Variants in RABGAP1L observed in about 807,000 individuals in gnomAD.
RABGAP1L encodes the protein RAB GTPase activating protein 1 like, also known as rab GTPase-activating protein 1-like.
RABGAP1L carries 63 observed loss-of-function variants against 137.7 expected under a neutral mutation model. That is an observed-to-expected ratio of 0.46 (90% CI 0.37 to 0.56). The LOEUF (loss-of-function observed/expected upper bound fraction) is 0.56, where lower values mean the gene tolerates loss of function less well. Among genes scored for constraint, RABGAP1L ranks in the 20% least tolerant of loss-of-function variants. The probability of loss-of-function intolerance (pLI) is 0.00; values close to 1 mark genes in which losing one functional copy is unlikely to be tolerated. For missense variants in RABGAP1L, 1,095 were observed against 1,244.0 expected (o/e 0.88, Z 1.80); for synonymous variants, 431 against 433.7 (o/e 0.99, Z 0.08).
chr1:174,953,559 T>C (rs577141033), intron 19 of RABGAP1L, among the ~76,000 whole-genome samples: 1 of 152,326 alleles, frequency 6.6e-6, no homozygotes, highest in South Asian at 2.1e-4. Flanking sequence ...AGGGTATTGA[T>C]GATAAGTAGA....
intron 13 of RABGAP1L, among the ~76,000 whole-genome samples, chr1:174,543,312 T>C (rs1005287156): frequency 2.6e-4 from 40 of 151,986 alleles, no homozygotes; most frequent in African/African-American, 8.2e-4. Flanking sequence ...GGATAGTTAG[T>C]TCTTCTTGTT....
intron 11 of RABGAP1L, among the ~76,000 whole-genome samples, chr1:174,327,987 A>ATATATATATATATG (rs1680642263): frequency 9.8e-5 from 1 of 10,188 alleles, no homozygotes; most frequent in African/African-American, 5.2e-4. Flanking sequence ...ATACACACAC[A>ATATATATATATATG]TATATATATA....
intron 19 of RABGAP1L, among the ~76,000 whole-genome samples, chr1:174,853,382 A>G (rs1427393822): frequency 6.6e-6 from 1 of 152,210 alleles, no homozygotes; most frequent in Admixed American, 6.5e-5. Flanking sequence ...AGAGTTATAT[A>G]TAACTCATAA....
In RABGAP1L at chr1:174,947,341, G is replaced by A. The variant is rs1332597495; in HGVS notation, c.2341-10116G>A. The stretch of plus-strand genomic sequence containing the variant: ...GACCTCAGGTGATCCACCTGCCTCA[G>A]CCTCCCAAAGTGCTGGGATTATGGG... On this transcript the variant is annotated intron_variant, in intron 19 of 25. Transcript: ENST00000681986. 2.6e-5 allele frequency among the ~76,000 whole-genome samples: 4 copies of A among 151,350 alleles called. No homozygotes were observed. In the East Asian group the frequency reaches 7.8e-4, roughly 29 times the overall value.
chr1:174,963,944 C>T (rs1669394386), intron 20 of RABGAP1L, among the ~76,000 whole-genome samples: 1 of 152,212 alleles, frequency 6.6e-6, no homozygotes, highest in East Asian at 1.9e-4. Flanking sequence ...GGCCAGCTGT[C>T]ATTTATCACT....
chr1:174,532,957 G>A (rs574445779), intron 13 of RABGAP1L, among the ~76,000 whole-genome samples: 7 of 152,250 alleles, frequency 4.6e-5, no homozygotes, highest in South Asian at 2.1e-4. Context: ...CACTATAGCC[G>A]GGCACAGTGG....
intron 13 of RABGAP1L, among the ~76,000 whole-genome samples, chr1:174,619,241 C>G (rs770931379): frequency 1.5e-4 from 23 of 152,104 alleles, no homozygotes; most frequent in Non-Finnish European, 2.9e-4. Flanking sequence ...GGAGAACTTC[C>G]CCAATCTAGC....
At position 174,701,192 on chromosome 1, in the gene RABGAP1L, A is replaced by T. The variant is rs1410291571; in HGVS notation, c.2026-921A>T. ...TGTACCTTGCTGTTCATGCTTTTGA[A>T]AACCATTTGCTTGTTTAAATTGGGA... On this transcript the variant is annotated intron_variant, in intron 16 of 25. Transcript: ENST00000681986. 8 of 1,290,820 alleles carry T rather than the reference A, an allele frequency of 6.2e-6. No homozygotes were observed. In the South Asian group the frequency reaches 9.1e-5, roughly 15 times the overall value. 80.0% of individuals were successfully genotyped at this position (1,290,820 alleles called of 1,614,324 possible).
At chr1:174,957,895 T>C in intron 20 of RABGAP1L, 1 of 1,582,558 alleles carries the variant, frequency 6.3e-7, no homozygotes, top group Non-Finnish European at 8.6e-7. Context: ...TTTCAGTTTG[T>C]ATATTTGTAG....
At chr1:174,694,482 G>A (rs1430877944) in intron 15 of RABGAP1L, among the ~76,000 whole-genome samples, 1 of 151,816 alleles carries the variant, frequency 6.6e-6, no homozygotes, top group Non-Finnish European at 1.5e-5. Flanking sequence ...AGTTTACTGA[G>A]AATGATGATT....
intron 19 of RABGAP1L, among the ~76,000 whole-genome samples, chr1:174,905,924 T>A (rs988382777): frequency 6.6e-6 from 1 of 151,978 alleles, no homozygotes; most frequent in Non-Finnish European, 1.5e-5. Context: ...GGAATAAAGA[T>A]AGCCTACAAT....
chr1:174,877,474 G>A, intron 19 of RABGAP1L: 5 of 1,613,882 alleles, frequency 3.1e-6, no homozygotes, highest in Non-Finnish European at 4.2e-6. Context: ...AGCTGCTGCT[G>A]TGGAAAGGCC....
intron 11 of RABGAP1L, among the ~76,000 whole-genome samples, chr1:174,319,702 C>G (rs898774952): frequency 6.6e-6 from 1 of 152,104 alleles, no homozygotes; most frequent in South Asian, 2.1e-4. Context: ...TGTTCTTTAT[C>G]AAGGTGAGGA....
At chr1:174,764,774 A>G (rs1685530597) in intron 18 of RABGAP1L, among the ~76,000 whole-genome samples, 1 of 152,108 alleles carries the variant, frequency 6.6e-6, no homozygotes, top group African/African-American at 2.4e-5. Flanking sequence ...ACCCAGTGGC[A>G]TTGTTCTTTC....
chr1:174,233,152 C>T (rs1670829618), intron 4 of RABGAP1L, among the ~76,000 whole-genome samples: 1 of 152,104 alleles, frequency 6.6e-6, no homozygotes, highest in Non-Finnish European at 1.5e-5. Flanking sequence ...AGAGGACTCC[C>T]TTCTCTCTCT....
intron 1 of RABGAP1L, among the ~76,000 whole-genome samples, chr1:174,187,618 C>A (rs982381049): frequency 6.6e-6 from 1 of 152,048 alleles, no homozygotes; most frequent in Admixed American, 6.5e-5. Flanking sequence ...GATGCTAATA[C>A]TGAAGAGAAT....
chr1:174,892,053 G>A (rs960534846), intron 19 of RABGAP1L, among the ~76,000 whole-genome samples: 2 of 152,218 alleles, frequency 1.3e-5, no homozygotes, highest in Admixed American at 6.5e-5. Context: ...CAGTCCGGGT[G>A]GGCATGGTGG....
chr1:174,320,716 T>G (rs747214725), intron 11 of RABGAP1L, among the ~76,000 whole-genome samples: 3 of 152,228 alleles, frequency 2.0e-5, no homozygotes, highest in Non-Finnish European at 4.4e-5. Context: ...CCCCAGTCAA[T>G]ACTCTTGGGA....
chr1:174,824,092 C>A (rs1227105740), intron 19 of RABGAP1L, among the ~76,000 whole-genome samples: 11 of 152,032 alleles, frequency 7.2e-5, no homozygotes, highest in Non-Finnish European at 1.6e-4. Context: ...GAGTTCGAGA[C>A]CAGCTTGGCC....
Sources: allele counts gnomAD v4.1 joint callset (sites outside exome capture counted in the v4.1 genomes callset), GRCh38; gene constraint gnomAD v4.1.1; transcripts MANE v1.5; gene names NCBI Gene and HGNC (gene_info 2026-07-23, HGNC 2026-07-21).